Variants in SLFN5 observed in about 807,000 individuals in gnomAD.
SLFN5 encodes the protein schlafen family member 5.
SLFN5 carries 34 observed loss-of-function variants against 48.5 expected under a neutral mutation model. That is an observed-to-expected ratio of 0.70 (90% CI 0.53 to 0.93). SLFN5 has a LOEUF of 0.93. Ranked by LOEUF, SLFN5 falls within the 40% of genes least tolerant of loss-of-function variation. SLFN5 has a pLI of 0.00. For missense variants in SLFN5, 1,006 were observed against 1,071.3 expected (o/e 0.94, Z 0.85); for synonymous variants, 387 against 396.2 (o/e 0.98, Z 0.28).
In SLFN5 at chr17:35,266,179, C is replaced by T. The variant is rs141719542; in HGVS notation, c.*291C>T. ...GTGTGTGTGTGTGTGTGTGTGTGTG[C>T]GCGCGCGCACGTGCACATGTGTGTA... On this transcript the variant is annotated 3_prime_UTR_variant, in exon 5 of 5. Coordinates refer to ENST00000299977, the MANE Select transcript of SLFN5 (RefSeq NM_144975.4). 126 of 123,640 alleles carry T rather than the reference C, an allele frequency of 1.0e-3. No homozygotes were observed. Among genetic ancestry groups the T allele is most frequent in the Non-Finnish European group, 1.6e-3 (88 of 55,860 alleles). The allele number at this position is 123,640 out of a possible 1,614,324, so 7.7% of individuals were successfully genotyped here. A position where few individuals can be genotyped will look rare whatever the true frequency, so the allele number is the denominator to read the frequency against.
chr17:35,252,085 T>C (rs2092443803), intron 1 of SLFN5, among the ~76,000 whole-genome samples: 1 of 152,186 alleles, frequency 6.6e-6, no homozygotes, highest in African/African-American at 2.4e-5. Flanking sequence ...CTCATTATAA[T>C]ATAGACAAAT....
Position 35,273,315 on chromosome 17 carries a change from A to G in SLFN5, c.*7427A>G, listed in dbSNP as rs1904879987. 1 of 152,250 alleles carries G rather than the reference A, an allele frequency of 6.6e-6. No individual in the cohort carries two copies. Among genetic ancestry groups the G allele is most frequent in the Admixed American group, 6.5e-5 (1 of 15,282 alleles). 9.4% of individuals were successfully genotyped at this position (152,250 alleles called of 1,614,324 possible). A position where few individuals can be genotyped will look rare whatever the true frequency, so the allele number is the denominator to read the frequency against. ...TAATAGTGTTTGACTCCAGGGAAGA[A>G]CAGATGGGTGCCAGAGTGAAAAAAA... On this transcript the variant is annotated 3_prime_UTR_variant, in exon 5 of 5. Coordinates refer to ENST00000299977, the MANE Select transcript of SLFN5 (RefSeq NM_144975.4).
intron 1 of SLFN5, among the ~76,000 whole-genome samples, chr17:35,250,243 C>T (rs921452569): frequency 2.0e-5 from 3 of 152,190 alleles, no homozygotes; most frequent in Non-Finnish European, 4.4e-5. Flanking sequence ...TTTTTCAGTG[C>T]ACCTTTAGAC....
chr17:35,243,816 T>C (rs1044588063), intron 1 of SLFN5, among the ~76,000 whole-genome samples: 4 of 152,236 alleles, frequency 2.6e-5, no homozygotes, highest in Admixed American at 2.6e-4. Flanking sequence ...GAACCTGATG[T>C]GCTGTTGATG....
At chr17:35,263,252 C>T (rs1382151192) in intron 3 of SLFN5, among the ~76,000 whole-genome samples, 2 of 152,046 alleles carry the variant, frequency 1.3e-5, no homozygotes, top group African/African-American at 4.8e-5. Context: ...TGCCTCAGCC[C>T]CCCGAGTGGG....
rs1005700701 is a variant in SLFN5 at position 35,266,184 on chromosome 17, G to GCGCC, written c.*299_*300insCCGC. The GCGCC allele has an allele frequency of 3.8e-6, 1 of 261,526 alleles. No homozygotes were observed. The highest frequency in any genetic ancestry group is 7.3e-6 in the Non-Finnish European group (1 of 136,834). The allele number at this position is 261,526 out of a possible 1,614,324, so 16.2% of individuals were successfully genotyped here. On this transcript the variant is annotated 3_prime_UTR_variant, in exon 5 of 5. Transcript: ENST00000299977. ...TGTGTGTGTGTGTGTGTGTGCGCGC[G>GCGCC]CGCACGTGCACATGTGTGTAGGTAG...
At position 35,272,509 on chromosome 17, in the gene SLFN5, C is replaced by T. The variant is rs1597660595; in HGVS notation, c.*6621C>T. On this transcript the variant is annotated 3_prime_UTR_variant, in exon 5 of 5. Transcript: ENST00000299977. ...AGCATGGGGAAGGTCTAAGTATGGC[C>T]CTCAATCAGAAACCAGGAAGGAAAA... 1 of 151,978 alleles carries T rather than the reference C, an allele frequency of 6.6e-6. No homozygotes were observed. Among genetic ancestry groups the T allele is most frequent in the South Asian group, 2.1e-4 (1 of 4,810 alleles). 9.4% of individuals were successfully genotyped at this position (151,978 alleles called of 1,614,324 possible).
chr17:35,260,231 G>A (rs1413487702), intron 2 of SLFN5, among the ~76,000 whole-genome samples: 1 of 152,024 alleles, frequency 6.6e-6, no homozygotes, highest in Non-Finnish European at 1.5e-5. Context: ...GAGCCGGTAC[G>A]TGATAAGCCA....
At chr17:35,249,652 T>C (rs2142686643) in intron 1 of SLFN5, among the ~76,000 whole-genome samples, 1 of 152,374 alleles carries the variant, frequency 6.6e-6, no homozygotes, top group South Asian at 2.1e-4. Flanking sequence ...CCTTGGTCCC[T>C]GACTGAAAAA....
chr17:35,271,399 G>A lies in SLFN5; in HGVS notation c.*5511G>A, dbSNP rs1904827667. On this transcript the variant is annotated 3_prime_UTR_variant, in exon 5 of 5. Coordinates refer to ENST00000299977, the MANE Select transcript of SLFN5 (RefSeq NM_144975.4). Reference sequence around the variant, plus strand: ...AACAAATAAATTAGTGAAACATAAGGTTAAGTCTATACATATTATTTTCTA... The same window carrying A: ...AACAAATAAATTAGTGAAACATAAGATTAAGTCTATACATATTATTTTCTA... 1 of 152,120 alleles carries A rather than the reference G, an allele frequency of 6.6e-6. No individual in the cohort carries two copies. Among genetic ancestry groups the A allele is most frequent in the South Asian group, 2.1e-4 (1 of 4,822 alleles). The allele number at this position is 152,120 out of a possible 1,614,324, so 9.4% of individuals were successfully genotyped here. A position where few individuals can be genotyped will look rare whatever the true frequency, so the allele number is the denominator to read the frequency against.
intron 2 of SLFN5, 166 bp downstream of exon 2, chr17:35,259,868 T>C: frequency 1.3e-6 from 1 of 797,704 alleles, no homozygotes; most frequent in Non-Finnish European, 1.9e-6. Context: ...GTTCGTGGAT[T>C]ATTGCCCTTC....
At chr17:35,249,142 A>G (rs2092436931) in intron 1 of SLFN5, among the ~76,000 whole-genome samples, 1 of 152,180 alleles carries the variant, frequency 6.6e-6, no homozygotes, top group East Asian at 1.9e-4. Flanking sequence ...CTTTCATCTC[A>G]TTTTGTCAGT....
chr17:35,250,625 A>G (rs12939751), intron 1 of SLFN5, among the ~76,000 whole-genome samples: 28,958 of 149,496 alleles, frequency 0.19, 3,798 homozygotes, highest in African/African-American at 0.37. Flanking sequence ...GCGCCACTGC[A>G]CTCCAGCCTG....
intron 1 of SLFN5, among the ~76,000 whole-genome samples, chr17:35,244,811 C>T (rs1310295205): frequency 2.0e-5 from 3 of 152,086 alleles, no homozygotes; most frequent in Non-Finnish European, 4.4e-5. Context: ...GATGTGATGA[C>T]ACATGCCTGT....
At chr17:35,255,446 T>A (rs1173471295) in intron 1 of SLFN5, among the ~76,000 whole-genome samples, 1 of 152,228 alleles carries the variant, frequency 6.6e-6, no homozygotes, top group Non-Finnish European at 1.5e-5. Flanking sequence ...CCATGATATG[T>A]GTGTGTATGC....
chr17:35,253,621 C>T (rs934234156), intron 1 of SLFN5, among the ~76,000 whole-genome samples: 4 of 151,940 alleles, frequency 2.6e-5, no homozygotes, highest in Admixed American at 2.6e-4. Flanking sequence ...GCAATCCTCC[C>T]ACCTTGGCCT....
At chr17:35,252,300 G>A (rs769465941) in intron 1 of SLFN5, among the ~76,000 whole-genome samples, 10 of 151,980 alleles carry the variant, frequency 6.6e-5, no homozygotes, top group African/African-American at 2.4e-4. Context: ...GCATTGTGGC[G>A]CGTTCTTGTA....
chr17:35,245,502 C>T (rs2092428576), intron 1 of SLFN5, among the ~76,000 whole-genome samples: 1 of 152,150 alleles, frequency 6.6e-6, no homozygotes, highest in South Asian at 2.1e-4. Context: ...GGAAAACCAC[C>T]AGATAAGGGA....
chr17:35,256,117 G>T (rs1904336093), intron 1 of SLFN5, among the ~76,000 whole-genome samples: 2 of 152,312 alleles, frequency 1.3e-5, no homozygotes, highest in South Asian at 4.1e-4. Flanking sequence ...CCAGTATATT[G>T]GGAGGCCAAG....
Sources: gnomAD v4.1 joint callset for allele counts (sites outside exome capture counted in the v4.1 genomes callset) on GRCh38, gnomAD v4.1.1 for gene constraint, MANE v1.5 for transcripts, NCBI Gene and HGNC (gene_info 2026-07-23, HGNC 2026-07-21) for gene names.